AKAP1: variants seen among roughly 807,000 people sequenced by gnomAD.
AKAP1 encodes A-kinase anchor protein 1, mitochondrial.
A neutral mutation model predicts 79.8 loss-of-function variants in AKAP1; 32 were observed. The observed-to-expected ratio is 0.40, with a 90% confidence interval of 0.30 to 0.54. The LOEUF (loss-of-function observed/expected upper bound fraction) is 0.54, where lower values mean the gene tolerates loss of function less well. Ranked by LOEUF, AKAP1 falls within the 20% of genes least tolerant of loss-of-function variation. AKAP1 has a pLI of 0.47. For synonymous variants in AKAP1, 416 were observed against 466.7 expected (o/e 0.89, Z 1.40); for missense variants, 961 against 1,138.9 (o/e 0.84, Z 2.25).
At chr17:57,109,226 AGCTGATCTGGACCC>A (rs1481438701) in intron 2 of AKAP1, among the ~76,000 whole-genome samples, 1 of 152,134 alleles carries the variant, frequency 6.6e-6, no homozygotes, top group East Asian at 1.9e-4. Context: ...ACTTCTCTTG[AGCTGATCTGGACCC>A]GCTTTTTTGT....
intron 9 of AKAP1, 121 bp downstream of exon 9, chr17:57,118,575 T>C: frequency 1.1e-6 from 1 of 933,682 alleles, no homozygotes; most frequent in Non-Finnish European, 1.7e-6. Flanking sequence ...GAAAGGTGCA[T>C]GAAGTAGCTA....
At position 57,105,929 on chromosome 17, in the gene AKAP1, ACT is replaced by A; in HGVS notation, c.466_467del (p.Leu156IlefsTer7). On this transcript the variant is annotated frameshift_variant, in exon 2 of 11. Coordinates refer to ENST00000337714, the MANE Select transcript of AKAP1 (RefSeq NM_003488.4). LOFTEE classifies it high-confidence loss of function. ...GCCCCCTTTCATCCCCAAAGGGTGT[ACT>A]ATTCTCCAGCAAATCAGCTGAGGTG... ...ECPLSSPKGVLFSSKSAEVCK... is the reference protein window; with the variant it reads ...ECPLSSPKGVXFSSKSAEVCK... 6.2e-7 allele frequency: 1 copy of A among 1,614,208 alleles called. No homozygotes were observed. The highest frequency in any genetic ancestry group is 2.2e-5 in the East Asian group (1 of 44,884).
At chr17:57,112,929 A>C (rs9891037) in intron 5 of AKAP1, among the ~76,000 whole-genome samples, 3,263 of 152,032 alleles carry the variant, frequency 0.021, 129 homozygotes, top group African/African-American at 0.073. Context: ...TGTAGTTCGG[A>C]CAGGAGATTG....
intron 10 of AKAP1, 80 bp from the exon 11 acceptor site, chr17:57,120,170 G>C: frequency 7.5e-7 from 1 of 1,336,284 alleles, no homozygotes; most frequent in Admixed American, 1.9e-5. Context: ...TGGCAACCGG[G>C]GAGGGGAGAA....
In AKAP1 at chr17:57,114,660, G is replaced by A. The variant is rs765319145; in HGVS notation, c.2281+24G>A. On this transcript the variant is annotated intron_variant, in intron 6 of 10. Transcript: ENST00000337714. ...AAGTAAGCAGTGCCCTGAGGGGTCG[G>A]GAAGGGGGACCCCTGGGGTTGCCTG... is the stretch of plus-strand genomic sequence containing the variant. 5 of 1,601,224 alleles carry A rather than the reference G, an allele frequency of 3.1e-6. No homozygotes were observed. The South Asian group carries it at 5.6e-5, about 18-fold the overall frequency.
chr17:57,108,083 C>G (rs1915008347), intron 2 of AKAP1: 1 of 1,128,660 alleles, frequency 8.9e-7, no homozygotes, highest in Non-Finnish European at 1.1e-6. Flanking sequence ...TGCAGGCACC[C>G]TGGGGTGTTT....
intron 1 of AKAP1, among the ~76,000 whole-genome samples, chr17:57,087,969 A>G (rs909502015): frequency 3.9e-5 from 6 of 151,948 alleles, no homozygotes; most frequent in African/African-American, 1.5e-4. Context: ...CTGTTTTCCT[A>G]TTGTGGGGAA....
chr17:57,120,118 G>A (rs1013875782), intron 10 of AKAP1, 132 bp from the exon 11 acceptor site: 19 of 731,540 alleles, frequency 2.6e-5, no homozygotes, highest in South Asian at 1.3e-4. Context: ...GAGCCACTGC[G>A]TCTGGCCTAC....
intron 1 of AKAP1, among the ~76,000 whole-genome samples, chr17:57,091,119 T>C (rs1178650146): frequency 1.3e-5 from 2 of 152,190 alleles, no homozygotes; most frequent in African/African-American, 4.8e-5. Context: ...GCCCCTCCTT[T>C]CTGCCACTCC....
At chr17:57,117,007 A>T in intron 8 of AKAP1, 80 bp downstream of exon 8, 1 of 1,351,446 alleles carries the variant, frequency 7.4e-7, no homozygotes, top group Non-Finnish European at 1.1e-6. Flanking sequence ...CTCCGTTCTC[A>T]CCTGGAGGAT....
chr17:57,108,954 T>C (rs1397548544), intron 2 of AKAP1, among the ~76,000 whole-genome samples: 2 of 152,248 alleles, frequency 1.3e-5, no homozygotes, highest in African/African-American at 4.8e-5. Flanking sequence ...CCAAGCAGTC[T>C]TCCCCCAGAA....
chr17:57,108,465 GC>G (rs376097173), intron 2 of AKAP1, among the ~76,000 whole-genome samples: 21 of 152,232 alleles, frequency 1.4e-4, no homozygotes, highest in African/African-American at 5.1e-4. Context: ...TTTGCTTACT[GC>G]CCCTCAGCTG....
rs1266876668 is a variant in AKAP1 at position 57,120,778 on chromosome 17, G to A, written c.*454G>A. The A allele has an allele frequency of 2.6e-5, 4 of 155,306 alleles. No individual in the cohort carries two copies. Among genetic ancestry groups the A allele is most frequent in the African/African-American group, 9.7e-5 (4 of 41,448 alleles). 9.6% of individuals were successfully genotyped at this position (155,306 alleles called of 1,614,324 possible). ...GAGCAAGACATGAACTGACTAATTG[G>A]TATCCACTACTTGTACAGCTTACAT... On this transcript the variant is annotated 3_prime_UTR_variant, in exon 11 of 11. Coordinates refer to ENST00000337714, the MANE Select transcript of AKAP1 (RefSeq NM_003488.4).
At chr17:57,117,001 G>A (rs1251943092) in intron 8 of AKAP1, 74 bp downstream of exon 8, 3 of 1,377,416 alleles carry the variant, frequency 2.2e-6, no homozygotes, top group South Asian at 1.2e-5. Context: ...CAGAGCCTCC[G>A]TTCTCACCTG....
At chr17:57,112,048 A>C (rs1448203125) in intron 4 of AKAP1, 124 bp downstream of exon 4, 1 of 1,286,188 alleles carries the variant, frequency 7.8e-7, no homozygotes, top group Non-Finnish European at 1.1e-6. Context: ...CAGGGAAGGG[A>C]GCATTAGGTA....
At chr17:57,112,042 G>A (rs1261626418) in intron 4 of AKAP1, 118 bp downstream of exon 4, 15 of 1,360,456 alleles carry the variant, frequency 1.1e-5, no homozygotes, top group Non-Finnish European at 1.5e-5. Context: ...TCATCCCAGG[G>A]AAGGGAGCAT....
intron 2 of AKAP1, among the ~76,000 whole-genome samples, chr17:57,108,546 G>A (rs1284988319): frequency 6.6e-6 from 1 of 152,206 alleles, no homozygotes; most frequent in Admixed American, 6.5e-5. Flanking sequence ...ACCTGTTGAA[G>A]TCTTCTGAGT....
At chr17:57,119,881 G>A (rs1160332947) in intron 10 of AKAP1, among the ~76,000 whole-genome samples, 1 of 101,776 alleles carries the variant, frequency 9.8e-6, no homozygotes, top group Non-Finnish European at 1.9e-5. Context: ...ATCCAGGCTG[G>A]AGTGCAGTGG....
chr17:57,106,454 C>T lies in AKAP1; in HGVS notation c.990C>T (p.Ser330=), dbSNP rs543540343. ...NEEGLDRNEE[S]LDRNEEGLDR... ...AGGGCTTGGATAGAAATGAGGAGAG[C>T]TTGGATAGAAATGAGGAGGGCTTGG... is the stretch of plus-strand genomic sequence containing the variant. The change falls in exon 2 of 11, where the codon AGC becomes AGT. Residue 330 remains serine (S), a synonymous_variant. Transcript: ENST00000337714. The T allele has an allele frequency of 6.2e-7, 1 of 1,604,330 alleles. No homozygotes were observed. Among genetic ancestry groups the T allele is most frequent in the African/African-American group, 1.3e-5 (1 of 74,674 alleles).
Sources: allele counts gnomAD v4.1 joint callset (sites outside exome capture counted in the v4.1 genomes callset), GRCh38; gene constraint gnomAD v4.1.1; transcripts MANE v1.5; gene names NCBI Gene and HGNC (gene_info 2026-07-23, HGNC 2026-07-21).